Variants in OSBPL5 observed in about 807,000 individuals in gnomAD.
The protein encoded by OSBPL5 is oxysterol-binding protein-related protein 5.
In OSBPL5, 71 loss-of-function variants were observed where a neutral mutation model predicts 111.2. The observed-to-expected ratio is 0.64, with a 90% CI of 0.53 to 0.78. The LOEUF (loss-of-function observed/expected upper bound fraction) is 0.78. OSBPL5 is among the 30% of genes least tolerant of loss of function. OSBPL5 has a pLI of 0.00. For synonymous variants in OSBPL5, 549 were observed against 513.9 expected (o/e 1.07, Z -0.93); for missense variants, 1,210 against 1,189.3 (o/e 1.02, Z -0.26).
Position 3,112,810 on chromosome 11 carries a change from G to A in OSBPL5, c.692-4865C>T, listed in dbSNP as rs528111392. Among the ~76,000 whole-genome samples, 91 of 152,218 alleles carry A rather than the reference G, an allele frequency of 6.0e-4. No individual in the cohort carries two copies. In the South Asian group the frequency reaches 0.016, roughly 27 times the overall value. ...CTTTAGTCTCCCTCTAGCACCACCA[G>A]ACTTTTTCTCTCTGTACCTTATGCA... On this transcript the variant is annotated intron_variant, in intron 7 of 21. Transcript: ENST00000263650.
chr11:3,160,082 C>A (rs1234304295), intron 1 of OSBPL5, among the ~76,000 whole-genome samples: 2 of 152,122 alleles, frequency 1.3e-5, no homozygotes, highest in African/African-American at 2.4e-5. Flanking sequence ...GGGTCACATG[C>A]CCCACCCTGG....
intron 1 of OSBPL5, among the ~76,000 whole-genome samples, chr11:3,134,422 G>A (rs1219243712): frequency 6.6e-6 from 1 of 152,298 alleles, no homozygotes; most frequent in East Asian, 1.9e-4. Context: ...CAGACCTAGT[G>A]ACTAGGGTGG....
chr11:3,143,001 GGTGC>G, intron 1 of OSBPL5, among the ~76,000 whole-genome samples: 1 of 105,764 alleles, frequency 9.5e-6, no homozygotes, highest in African/African-American at 3.4e-5. Flanking sequence ...AGAGGAGGCA[GGTGC>G]AGAGGGGGGC....
At chr11:3,119,167 G>A (rs985316501) in intron 7 of OSBPL5, among the ~76,000 whole-genome samples, 4 of 152,062 alleles carry the variant, frequency 2.6e-5, no homozygotes, top group East Asian at 3.9e-4. Context: ...CTGCCACCAC[G>A]CCTGGCTAAT....
intron 13 of OSBPL5, among the ~76,000 whole-genome samples, chr11:3,101,296 C>T (rs1857447206): frequency 1.3e-5 from 2 of 152,232 alleles, no homozygotes; most frequent in African/African-American, 4.8e-5. Context: ...TCATTTTAGC[C>T]AATTCAAATA....
Position 3,154,032 on chromosome 11 carries a change from C to T in OSBPL5, c.-22+11184G>A, listed in dbSNP as rs1249947872. On this transcript the variant is annotated intron_variant, in intron 1 of 21. Transcript: ENST00000263650. The surrounding 1 kb of genome is among the most constrained non-coding windows in gnomAD (Gnocchi z 4.9). The stretch of plus-strand genomic sequence containing the variant: ...AGGGAGCCCCAGGGCAGGCCCGCAG[C>T]CCCCAAGGAAGGTCTGTGCCCGGGA... Among the ~76,000 whole-genome samples the T allele has an allele frequency of 6.6e-6, 1 of 152,184 alleles. No homozygotes were observed. Among genetic ancestry groups the T allele is most frequent in the Non-Finnish European group, 1.5e-5 (1 of 68,024 alleles).
intron 1 of OSBPL5, among the ~76,000 whole-genome samples, chr11:3,143,666 G>A (rs930389397): frequency 5.3e-5 from 8 of 152,248 alleles, no homozygotes; most frequent in Admixed American, 5.2e-4. Flanking sequence ...GTCTGGACAC[G>A]GAACGCAGAC....
rs1857692699 is a variant in OSBPL5, at chr11:3,106,334, CTT to C, written c.1059+927_1059+928del. On this transcript the variant is annotated intron_variant, in intron 9 of 21. Transcript: ENST00000263650. The surrounding 1 kb of genome is among the most constrained non-coding windows in gnomAD (Gnocchi z 8.4). ...CCTCAGTGACAGCCACGGCCTTGCT[CTT>C]GTCTCGCCTCCCGGGTGAGAATGAC... is the stretch of plus-strand genomic sequence containing the variant. Among the ~76,000 whole-genome samples, 1 of 152,176 alleles carries C rather than the reference CTT, an allele frequency of 6.6e-6. No homozygotes were observed. Among genetic ancestry groups the C allele is most frequent in the Non-Finnish European group, 1.5e-5 (1 of 68,030 alleles).
At chr11:3,120,794 T>C (rs1467560472) in intron 5 of OSBPL5, among the ~76,000 whole-genome samples, 170 bp from the exon 6 acceptor site, 3 of 152,024 alleles carry the variant, frequency 2.0e-5, no homozygotes, top group Non-Finnish European at 4.4e-5. Flanking sequence ...TCACCCTCAC[T>C]CCCTGGGGTG....
chr11:3,100,052 A>T, intron 14 of OSBPL5, 106 bp downstream of exon 14: 2 of 892,718 alleles, frequency 2.2e-6, no homozygotes, highest in Non-Finnish European at 3.5e-6. Flanking sequence ...TGGGCAGATG[A>T]AGGCGAAGTA....
At position 3,165,110 on chromosome 11, in the gene OSBPL5, C is replaced by G. The variant is rs1383923644; in HGVS notation, c.-22+106G>C. The G allele has an allele frequency of 6.6e-6, 1 of 150,716 alleles. No homozygotes were observed. Among genetic ancestry groups the G allele is most frequent in the African/African-American group, 2.4e-5 (1 of 41,282 alleles). The allele number at this position is 150,716 out of a possible 1,614,324, so 9.3% of individuals were successfully genotyped here. A position where few individuals can be genotyped will look rare whatever the true frequency, so the allele number is the denominator to read the frequency against. On this transcript the variant is annotated intron_variant, in intron 1 of 21. Transcript: ENST00000263650. This position sits in a 1 kb window ranked among gnomAD's most constrained non-coding sequence, Gnocchi z 7.4. ...TCCTGGATCCCTTCGGCCGGCCCCC[C>G]GCGGCCCTCGGTTCGCTCCGGCCCT...
At chr11:3,119,872 A>G in intron 6 of OSBPL5, 1 of 521,886 alleles carries the variant, frequency 1.9e-6, no homozygotes, top group Non-Finnish European at 3.3e-6. Context: ...TCCAGCTCTG[A>G]GCCTCCTGAC....
Position 3,107,718 on chromosome 11 carries a change from T to TAC in OSBPL5, c.866+51_866+52dup. 1 of 1,595,192 alleles carries TAC rather than the reference T, an allele frequency of 6.3e-7. No homozygotes were observed. Among genetic ancestry groups the TAC allele is most frequent in the South Asian group, 1.1e-5 (1 of 90,504 alleles). On this transcript the variant is annotated intron_variant, in intron 8 of 21. Coordinates refer to ENST00000263650, the MANE Select transcript of OSBPL5 (RefSeq NM_020896.4). The surrounding 1 kb of genome is among the most constrained non-coding windows in gnomAD (Gnocchi z 6.1). ...GCTGTCCTCTCCCCTCTTCCTCGCC[T>TAC]ACAAGGAGACCCCGTGAATCACCAC...
Position 3,104,363 on chromosome 11 carries a change from G to A in OSBPL5, c.1074C>T (p.Ser358=). 6.2e-7 allele frequency: 1 copy of A among 1,610,602 alleles called. No homozygotes were observed. The highest frequency in any genetic ancestry group is 8.5e-7 in the Non-Finnish European group (1 of 1,179,666). ...QEELGELGEA[S]QVETVSEENK... Reference sequence around the variant, plus strand: ...TCTCCTCTGACACTGTCTCCACCTGGGACGCCTCGCCCAGCTGCAGCAGAC... The same window carrying A: ...TCTCCTCTGACACTGTCTCCACCTGAGACGCCTCGCCCAGCTGCAGCAGAC... Residue 358 remains serine, a synonymous_variant, in exon 10 of 22, where the codon TCC becomes TCT. Transcript: ENST00000263650. The surrounding 1 kb of genome is among the most constrained non-coding windows in gnomAD (Gnocchi z 5.0).
At chr11:3,097,022 G>GGGAAGACGGGAGGA (rs1564824589) in intron 14 of OSBPL5, among the ~76,000 whole-genome samples, 4 of 4,120 alleles carry the variant, frequency 9.7e-4, no homozygotes, top group Admixed American at 8.5e-3. Flanking sequence ...AGACGGGAGG[G>GGGAAGACGGGAGGA]GGAGGAGAGG....
At chr11:3,139,834 G>A (rs550786658) in intron 1 of OSBPL5, among the ~76,000 whole-genome samples, 2 of 152,206 alleles carry the variant, frequency 1.3e-5, no homozygotes, top group Admixed American at 6.5e-5. Flanking sequence ...CCAGCCACGC[G>A]CCCTGAAGGA....
At chr11:3,129,452 T>C (rs1858750600) in intron 1 of OSBPL5, 2 of 222,756 alleles carry the variant, frequency 9.0e-6, no homozygotes, top group African/African-American at 4.5e-5. Flanking sequence ...GATGTCCTTC[T>C]CAGAACCCCC....
Position 3,101,734 on chromosome 11 carries a change from G to A in OSBPL5, c.1426-35C>T, listed in dbSNP as rs534983941. On this transcript the variant is annotated intron_variant, in intron 12 of 21. Transcript: ENST00000263650. ...GGGAGGCGGCTCTGTAAACAGCCCC[G>A]GAAACAGGTAATCCCAGGAAGCGAG... The A allele has an allele frequency of 3.0e-5, 47 of 1,552,764 alleles. 1 individual carries two copies. In the Middle Eastern group the frequency reaches 3.2e-3, roughly 106 times the overall value.
chr11:3,159,950 G>A (rs776594292), intron 1 of OSBPL5, among the ~76,000 whole-genome samples: 8 of 152,128 alleles, frequency 5.3e-5, no homozygotes, highest in Admixed American at 2.0e-4. Context: ...GAAGAATTCC[G>A]GCTGCGTCTT....
Sources: allele counts gnomAD v4.1 joint callset (sites outside exome capture counted in the v4.1 genomes callset), GRCh38; gene constraint gnomAD v4.1.1; non-coding constraint Gnocchi (gnomAD v3.1); transcripts MANE v1.5; gene names NCBI Gene and HGNC (gene_info 2026-07-23, HGNC 2026-07-21).